Variants in JAKMIP3 observed in about 807,000 individuals in gnomAD.
JAKMIP3 encodes the protein Janus kinase and microtubule interacting protein 3.
A neutral mutation model predicts 118.5 loss-of-function variants in JAKMIP3; 58 were observed. The observed-to-expected ratio is 0.49, with a 90% confidence interval of 0.40 to 0.61. JAKMIP3 has a LOEUF of 0.61. Ranked by LOEUF, JAKMIP3 falls within the 20% of genes least tolerant of loss-of-function variation. JAKMIP3 has a pLI of 0.00. For missense variants in JAKMIP3, 950 were observed against 1,109.0 expected, an observed-to-expected ratio of 0.86 and a Z score of 2.04; for synonymous variants, 486 against 451.2, an observed-to-expected ratio of 1.08 and a Z score of -0.98.
At chr10:132,083,281 A>G (rs1247010587) in intron 1 of JAKMIP3, among the ~76,000 whole-genome samples, 3 of 152,054 alleles carry the variant, frequency 2.0e-5, no homozygotes, top group Admixed American at 1.3e-4. Context: ...TTCCCTGATC[A>G]TTAGTGATGT....
intron 2 of JAKMIP3, 125 bp downstream of exon 2, chr10:132,105,068 T>A: frequency 8.8e-7 from 1 of 1,138,504 alleles, no homozygotes; most frequent in Non-Finnish European, 1.2e-6. Flanking sequence ...TCCTAAAGGC[T>A]GCTTGGGACA....
At chr10:132,098,794 C>T (rs1025441711) in intron 1 of JAKMIP3, among the ~76,000 whole-genome samples, 5 of 152,188 alleles carry the variant, frequency 3.3e-5, no homozygotes, top group African/African-American at 1.2e-4. Context: ...CCACAGCGCT[C>T]CTCTCTCAGA....
intron 1 of JAKMIP3, among the ~76,000 whole-genome samples, chr10:132,082,199 C>T (rs1203305905): frequency 2.0e-5 from 3 of 149,904 alleles, no homozygotes; most frequent in African/African-American, 7.4e-5. Flanking sequence ...TTTTTTGCTT[C>T]CCTTTTAATA....
intron 3 of JAKMIP3, among the ~76,000 whole-genome samples, chr10:132,127,681 C>A (rs904529060): frequency 1.5e-4 from 23 of 151,464 alleles, no homozygotes; most frequent in Middle Eastern, 3.4e-3. Flanking sequence ...CTTTTTTTTC[C>A]CTCCCTCCCT....
At chr10:132,139,102 G>A (rs1445582577) in intron 9 of JAKMIP3, among the ~76,000 whole-genome samples, 1 of 38,532 alleles carries the variant, frequency 2.6e-5, no homozygotes, top group Non-Finnish European at 5.8e-5. Flanking sequence ...GTGTATGTGT[G>A]TACATGTGTG....
chr10:132,090,321 C>G lies in JAKMIP3; in HGVS notation c.-137-14351C>G, dbSNP rs531753332. 2.6e-5 allele frequency among the ~76,000 whole-genome samples: 4 copies of G among 152,302 alleles called. No homozygotes were observed. The South Asian group carries it at 8.3e-4, about 32-fold the overall frequency. ...TCCTTTTGCATCTGGTAGAATTTGG[C>G]TGTGAATCCATCTGGTCTTGGACTT... is the stretch of plus-strand genomic sequence containing the variant. On this transcript the variant is annotated intron_variant, in intron 1 of 23. Transcript: ENST00000684848.
intron 23 of JAKMIP3, among the ~76,000 whole-genome samples, chr10:132,177,897 G>A (rs1291540276): frequency 6.8e-6 from 1 of 147,788 alleles, no homozygotes; most frequent in Non-Finnish European, 1.5e-5. Flanking sequence ...TAGTGCGTGT[G>A]TGTGCACACT....
At chr10:132,069,210 C>T (rs549407374) in intron 1 of JAKMIP3, among the ~76,000 whole-genome samples, 103 of 152,180 alleles carry the variant, frequency 6.8e-4, no homozygotes, top group Admixed American at 2.5e-3. Flanking sequence ...TTTGAAGGAC[C>T]CCAGGTCTTC....
chr10:132,139,122 C>CTG (rs746764620), intron 9 of JAKMIP3, among the ~76,000 whole-genome samples: 95 of 115,312 alleles, frequency 8.2e-4, no homozygotes, highest in Middle Eastern at 0.014. Context: ...GTGTATGCAT[C>CTG]TGTGTGTGTG....
intron 1 of JAKMIP3, among the ~76,000 whole-genome samples, chr10:132,102,538 C>A (rs1012168429): frequency 6.6e-5 from 10 of 152,202 alleles, no homozygotes; most frequent in Admixed American, 5.2e-4. Flanking sequence ...TGGAGGCCGG[C>A]GGCCCTGCAG....
At chr10:132,075,405 C>CT (rs1473954653) in intron 1 of JAKMIP3, among the ~76,000 whole-genome samples, 1 of 82,360 alleles carries the variant, frequency 1.2e-5, no homozygotes, top group African/African-American at 7.1e-5. Context: ...TATACTTCAC[C>CT]TCTTTTTTTT....
Position 132,104,904 on chromosome 10 carries a change from C to T in JAKMIP3, c.96C>T (p.Leu32=), listed in dbSNP as rs771201494. The change falls in exon 2 of 24, where the codon CTC becomes CTT. Residue 32 remains leucine, a synonymous_variant. Coordinates refer to ENST00000684848, the MANE Select transcript of JAKMIP3 (RefSeq NM_001323087.2). ...CCAACGAGGATCTTCGAGCCAAGCTCACAGACATCCAGATCGAGCTGCAGC... is the reference window on the plus strand; with the variant it reads ...CCAACGAGGATCTTCGAGCCAAGCTTACAGACATCCAGATCGAGCTGCAGC... ...QAANEDLRAK[L]TDIQIELQQE... 2 of 1,588,174 alleles carry T rather than the reference C, an allele frequency of 1.3e-6. No individual in the cohort carries two copies. The highest frequency in any genetic ancestry group is 1.8e-5 in the Admixed American group (1 of 56,862).
chr10:132,140,465 G>A lies in JAKMIP3; in HGVS notation c.1359G>A (p.Glu453=), dbSNP rs746980802. 18 of 1,613,822 alleles carry A rather than the reference G, an allele frequency of 1.1e-5. No individual in the cohort carries two copies. Among genetic ancestry groups the A allele is most frequent in the Non-Finnish European group, 1.2e-5 (14 of 1,179,856 alleles). Residue 453 remains glutamate, a synonymous_variant, in exon 10 of 24, where the codon GAG becomes GAA. Coordinates refer to ENST00000684848, the MANE Select transcript of JAKMIP3 (RefSeq NM_001323087.2). ...MAKLPKPVVV[E]TFFGYDEEAS... ...TTGGTCACAAGCCGGTGGTTGTGGA[G>A]ACCTTCTTTGGATACGACGAAGAGG...
chr10:132,072,489 C>T (rs762278250), intron 1 of JAKMIP3, among the ~76,000 whole-genome samples: 1 of 152,178 alleles, frequency 6.6e-6, no homozygotes, highest in South Asian at 2.1e-4. Flanking sequence ...GAGCCATGAT[C>T]GTACCATAGC....
chr10:132,093,738 A>G (rs2043433534), intron 1 of JAKMIP3, among the ~76,000 whole-genome samples: 1 of 151,836 alleles, frequency 6.6e-6, no homozygotes, highest in Non-Finnish European at 1.5e-5. Flanking sequence ...GGCTGCACCC[A>G]CTGTCCTGCC....
intron 1 of JAKMIP3, among the ~76,000 whole-genome samples, chr10:132,042,184 C>CTTCCTTACT (rs1554909339): frequency 3.8e-5 from 5 of 132,096 alleles, no homozygotes; most frequent in African/African-American, 1.5e-4. Flanking sequence ...TGCTCGCTCG[C>CTTCCTTACT]TCCTTCCTTC....
intron 1 of JAKMIP3, among the ~76,000 whole-genome samples, chr10:132,080,550 C>G (rs1241563586): frequency 2.8e-5 from 3 of 105,910 alleles, no homozygotes; most frequent in Non-Finnish European, 5.3e-5. Flanking sequence ...AAGATGGAGT[C>G]TCTCTCTGTC....
intron 1 of JAKMIP3, among the ~76,000 whole-genome samples, chr10:132,076,845 G>A (rs927959275): frequency 8.6e-5 from 13 of 150,574 alleles, no homozygotes; most frequent in Admixed American, 1.3e-4. Context: ...CAGTGGCCCC[G>A]GATCTTACTG....
intron 1 of JAKMIP3, among the ~76,000 whole-genome samples, chr10:132,085,503 CTT>C (rs529358675): frequency 6.2e-5 from 9 of 144,366 alleles, no homozygotes; most frequent in Non-Finnish European, 6.1e-5. Context: ...TTTTCTCTCT[CTT>C]TTTTTTTTTT....
Sources: gnomAD v4.1 joint callset for allele counts (sites outside exome capture counted in the v4.1 genomes callset) on GRCh38, gnomAD v4.1.1 for gene constraint, MANE v1.5 for transcripts, NCBI Gene and HGNC (gene_info 2026-07-23, HGNC 2026-07-21) for gene names.